ADGRG4: variants seen among roughly 807,000 people sequenced by gnomAD.
ADGRG4 encodes G protein-coupled receptor 112.
A neutral mutation model predicts 126.2 loss-of-function variants in ADGRG4; 122 were observed. That is an observed-to-expected ratio of 0.97 (90% CI 0.83 to 1.12). ADGRG4 has a LOEUF of 1.12. Ranked by LOEUF, ADGRG4 falls within the 50% of genes most tolerant of loss-of-function variation. The pLI is 0.00. For synonymous variants in ADGRG4, 943 were observed against 838.7 expected (o/e 1.12, Z -2.15); for missense variants, 2,481 against 2,251.8 (o/e 1.10, Z -2.06).
rs1421870288 is a variant in ADGRG4, at chrX:136,344,744, A to G, written c.1038A>G (p.Pro346=). Residue 346 remains proline, a synonymous_variant, in exon 6 of 26, where the codon CCA becomes CCG. Coordinates refer to ENST00000394143, the MANE Select transcript of ADGRG4 (RefSeq NM_153834.4). ...TTNSMKKTKS[P]SSESTKTTKM... ...ATTCCATGAAAAAAACGAAATCTCC[A>G]TCTTCAGAAAGCACAAAGACAACAA... is the stretch of plus-strand genomic sequence containing the variant. The G allele has an allele frequency of 1.7e-6, 2 of 1,210,189 alleles. No homozygotes were observed. The highest frequency in any genetic ancestry group is 2.2e-6 in the Non-Finnish European group (2 of 894,539).
At chrX:136,402,605 G>T (rs994381659) in intron 21 of ADGRG4, among the ~76,000 whole-genome samples, 9 of 109,986 alleles carry the variant, frequency 8.2e-5, no homozygotes, top group African/African-American at 2.7e-4. Context: ...GAGAGATAAA[G>T]AAATCATTTT....
intron 3 of ADGRG4, chrX:136,306,099 T>C (rs1191855354): frequency 3.6e-5 from 4 of 111,714 alleles, no homozygotes; most frequent in Non-Finnish European, 3.8e-5. Context: ...ACATCAAACA[T>C]AGGAATTTAG....
At chrX:136,384,186 C>T (rs984228431) in intron 15 of ADGRG4, among the ~76,000 whole-genome samples, 18 of 110,915 alleles carry the variant, frequency 1.6e-4, no homozygotes, top group African/African-American at 5.9e-4. Context: ...GCTGGGATTA[C>T]AGGTGTGAGC....
At chrX:136,369,322 G>C (rs778741357) in intron 13 of ADGRG4, among the ~76,000 whole-genome samples, 4 of 112,220 alleles carry the variant, frequency 3.6e-5, no homozygotes, top group Non-Finnish European at 7.5e-5. Context: ...ATTACTGGCA[G>C]ATTAACTGTA....
chrX:136,307,236 G>A (rs2074739782), intron 3 of ADGRG4, among the ~76,000 whole-genome samples: 1 of 112,024 alleles, frequency 8.9e-6, no homozygotes, highest in African/African-American at 3.2e-5. Context: ...AATTGCCTTC[G>A]AAATATCATC....
intron 16 of ADGRG4, among the ~76,000 whole-genome samples, chrX:136,391,388 G>C (rs1219257627): frequency 9.0e-6 from 1 of 111,432 alleles, no homozygotes; most frequent in Admixed American, 9.5e-5. Context: ...GCCTTGGCCT[G>C]GGGTACTTTG....
rs780531042 is a variant in ADGRG4 at position 136,347,397 on chromosome X, A to G, written c.3691A>G (p.Ile1231Val). The G allele has an allele frequency of 7.6e-5, 92 of 1,208,818 alleles. 1 individual carries two copies. In the South Asian group the frequency reaches 1.2e-3, roughly 15 times the overall value. ...GTTGACTACTTCAGTAAACAGTCACATTTCTTCATCTGCCACATATCGTGT... is the reference window on the plus strand; with the variant it reads ...GTTGACTACTTCAGTAAACAGTCACGTTTCTTCATCTGCCACATATCGTGT... ...NKLTTSVNSH[I>V]SSSATYRVHT... is the part of the protein sequence containing the mutation. The change falls in exon 6 of 26, where the codon ATT (isoleucine) becomes GTT (valine). Residue 1231 changes from isoleucine to valine, a missense_variant. Transcript: ENST00000394143.
chrX:136,344,302 C>CA lies in ADGRG4; in HGVS notation c.686-86dup, dbSNP rs777678096. ...TGATTATATCTATGATACTTTCTTACAAAATGAAAAGAAATTATAGAGCTC... is the reference window on the plus strand; with the variant it reads ...TGATTATATCTATGATACTTTCTTACAAAAATGAAAAGAAATTATAGAGCTC... On this transcript the variant is annotated intron_variant, in intron 5 of 25. Transcript: ENST00000394143. The CA allele has an allele frequency of 2.9e-4, 169 of 577,143 alleles. No homozygotes were observed. The African/African-American group carries it at 3.7e-3, about 13-fold the overall frequency. The allele number at this position is 577,143 out of a possible 1,213,427, so 47.6% of individuals were successfully genotyped here.
intron 15 of ADGRG4, among the ~76,000 whole-genome samples, chrX:136,386,722 TC>T (rs771574538): frequency 8.7e-4 from 98 of 112,038 alleles, no homozygotes; most frequent in Non-Finnish European, 1.6e-3. Context: ...GTCCACATAT[TC>T]TGTTTTGTAT....
At chrX:136,384,672 G>A (rs190316835) in intron 15 of ADGRG4, among the ~76,000 whole-genome samples, 5 of 111,123 alleles carry the variant, frequency 4.5e-5, no homozygotes, top group African/African-American at 1.6e-4. Context: ...ATGCTTGAAG[G>A]ATATTTTTGT....
At chrX:136,332,455 G>A (rs1263513662) in intron 5 of ADGRG4, among the ~76,000 whole-genome samples, 9 of 101,107 alleles carry the variant, frequency 8.9e-5, no homozygotes, top group East Asian at 3.1e-4. Context: ...GAATAATGCC[G>A]CAATAAACAT....
chrX:136,357,584 G>T, intron 9 of ADGRG4, 120 bp from the exon 10 acceptor site: 1 of 503,208 alleles, frequency 2.0e-6, no homozygotes, highest in Non-Finnish European at 3.3e-6. Context: ...GTTTGCAGAC[G>T]GCAATGAGTT....
At position 136,393,565 on chromosome X, in the gene ADGRG4, G is replaced by T. The variant is rs777646035; in HGVS notation, c.8065G>T (p.Asp2689Tyr). ...NYGQVHCAFW[D>Y]FENNNGLGGW... ...TGGTCAAGTTCACTGTGCCTTTTGG[G>T]ATTTTGAGAATAATAGTAAGTATTT... The change falls in exon 18 of 26, where the codon GAT becomes TAT. Residue 2689 changes from aspartate (D) to tyrosine (Y), a missense_variant. Asp to Tyr is a radical substitution (Grantham distance 160, BLOSUM62 -3). Transcript: ENST00000394143. 5.0e-6 allele frequency: 6 copies of T among 1,202,023 alleles called. No homozygotes were observed. The Admixed American group carries it at 1.1e-4, about 22-fold the overall frequency.
Position 136,348,867 on chromosome X carries a change from A to T in ADGRG4, c.5161A>T (p.Ile1721Phe), listed in dbSNP as rs1249685494. 1 of 1,208,562 alleles carries T rather than the reference A, an allele frequency of 8.3e-7. No individual in the cohort carries two copies. Among genetic ancestry groups the T allele is most frequent in the East Asian group, 3.0e-5 (1 of 33,711 alleles). Residue 1721 changes from isoleucine (I) to phenylalanine (F), a missense_variant, in exon 6 of 26, where the codon ATT (isoleucine) becomes TTT (phenylalanine). By Grantham distance (21) the Ile-to-Phe change is conservative. Coordinates refer to ENST00000394143, the MANE Select transcript of ADGRG4 (RefSeq NM_153834.4). ...EATTLGILSG[I>F]TNRSLSTVNS... Reference sequence around the variant, plus strand: ...TACAACTTTGGGCATATTATCTGGGATTACTAACAGGTCCCTATCTACTGT... The same window carrying T: ...TACAACTTTGGGCATATTATCTGGGTTTACTAACAGGTCCCTATCTACTGT...
intron 15 of ADGRG4, among the ~76,000 whole-genome samples, chrX:136,378,003 C>A (rs764045418): frequency 1.8e-5 from 2 of 111,005 alleles, no homozygotes; most frequent in Non-Finnish European, 3.8e-5. Context: ...ATCTGCTGAT[C>A]AATTTGTATA....
At chrX:136,382,625 A>G (rs1292117260) in intron 15 of ADGRG4, among the ~76,000 whole-genome samples, 2 of 111,527 alleles carry the variant, frequency 1.8e-5, no homozygotes, top group Non-Finnish European at 3.8e-5. Flanking sequence ...GTAGTTTCCC[A>G]TTGACCTTAA....
chrX:136,337,136 A>T (rs778743410), intron 5 of ADGRG4, among the ~76,000 whole-genome samples: 35 of 111,091 alleles, frequency 3.2e-4, no homozygotes, highest in African/African-American at 7.5e-4. Flanking sequence ...AGTTATTTTT[A>T]AAAAAATTTT....
At position 136,416,571 on chromosome X, in the gene ADGRG4, C is replaced by T. The variant is rs754697617; in HGVS notation, c.*80C>T. ...AATGAATTCCAAGTGTATACTTGCTCGGGTGATGGGTGCACCAAAATCTCA... is the reference window on the plus strand; with the variant it reads ...AATGAATTCCAAGTGTATACTTGCTTGGGTGATGGGTGCACCAAAATCTCA... On this transcript the variant is annotated 3_prime_UTR_variant, in exon 26 of 26. Coordinates refer to ENST00000394143, the MANE Select transcript of ADGRG4 (RefSeq NM_153834.4). 24 of 778,417 alleles carry T rather than the reference C, an allele frequency of 3.1e-5. No individual in the cohort carries two copies. Among genetic ancestry groups the T allele is most frequent in the Middle Eastern group, 5.8e-4 (2 of 3,419 alleles). 64.2% of individuals were successfully genotyped at this position (778,417 alleles called of 1,213,427 possible). A position where few individuals can be genotyped will look rare whatever the true frequency, so the allele number is the denominator to read the frequency against.
At chrX:136,410,049 C>A (rs1458094447) in intron 23 of ADGRG4, among the ~76,000 whole-genome samples, 1 of 112,303 alleles carries the variant, frequency 8.9e-6, no homozygotes, top group Non-Finnish European at 1.9e-5. Context: ...TAGTACAATG[C>A]CTGCCATATA....
Sources: gnomAD v4.1 joint callset for allele counts (sites outside exome capture counted in the v4.1 genomes callset) on GRCh38, gnomAD v4.1.1 for gene constraint, MANE v1.5 for transcripts, NCBI Gene and HGNC (gene_info 2026-07-23, HGNC 2026-07-21) for gene names.